The following CSMD1 variants were observed in gnomAD, a reference collection of about 807,000 sequenced individuals.
CSMD1 encodes the protein CUB and sushi domain-containing protein 1.
A neutral mutation model predicts 417.5 loss-of-function variants in CSMD1; 213 were observed. The observed-to-expected ratio is 0.51, with a 90% confidence interval of 0.46 to 0.57. The LOEUF (loss-of-function observed/expected upper bound fraction) is 0.57, where lower values mean the gene tolerates loss of function less well. CSMD1 is among the 20% of genes least tolerant of loss of function. The pLI, the probability that CSMD1 is intolerant of heterozygous loss-of-function variation, is 0.00. For synonymous variants in CSMD1, 2,862 were observed against 1,736.8 expected (o/e 1.65, Z -16.11); for missense variants, 6,923 against 4,529.7 (o/e 1.53, Z -15.17).
At chr8:4,876,649 G>T (rs1207990416) in intron 1 of CSMD1, among the ~76,000 whole-genome samples, 3 of 152,010 alleles carry the variant, frequency 2.0e-5, no homozygotes, top group African/African-American at 7.3e-5. Flanking sequence ...AAAGCACAAT[G>T]CAATGTGTTG....
At chr8:4,488,821 G>C (rs1335617806) in intron 2 of CSMD1, among the ~76,000 whole-genome samples, 4 of 152,168 alleles carry the variant, frequency 2.6e-5, no homozygotes, top group Non-Finnish European at 5.9e-5. Flanking sequence ...TCTCTGCAAA[G>C]AGATCGCCAG....
At chr8:3,578,019 C>G (rs998382076) in intron 9 of CSMD1, among the ~76,000 whole-genome samples, 1 of 152,098 alleles carries the variant, frequency 6.6e-6, no homozygotes, top group African/African-American at 2.4e-5. Flanking sequence ...CCCTAGCTGT[C>G]CTGCAGCTCA....
intron 12 of CSMD1, among the ~76,000 whole-genome samples, chr8:3,453,999 T>C (rs7010133): frequency 0.07 from 10,722 of 152,178 alleles, 906 homozygotes; most frequent in East Asian, 0.2. Flanking sequence ...GGTGCTCCTG[T>C]ATTGGGTGCA....
At chr8:4,559,203 C>G (rs888837004) in intron 2 of CSMD1, among the ~76,000 whole-genome samples, 3 of 152,058 alleles carry the variant, frequency 2.0e-5, no homozygotes, top group African/African-American at 7.2e-5. Context: ...GCTTTAGTCT[C>G]TTATGACTTT....
chr8:4,444,606 C>A (rs1177085201), intron 2 of CSMD1, among the ~76,000 whole-genome samples: 1 of 151,960 alleles, frequency 6.6e-6, no homozygotes, highest in African/African-American at 2.4e-5. Context: ...GCATTCTGCA[C>A]AAGGGATAGA....
At chr8:3,394,783 G>C (rs1353042570) in intron 17 of CSMD1, among the ~76,000 whole-genome samples, 1 of 152,004 alleles carries the variant, frequency 6.6e-6, no homozygotes, top group Non-Finnish European at 1.5e-5. Flanking sequence ...AAATTTCCTG[G>C]TTCTTAAATT....
intron 42 of CSMD1, among the ~76,000 whole-genome samples, chr8:3,112,700 A>G (rs1816592357): frequency 6.6e-6 from 1 of 152,220 alleles, no homozygotes; most frequent in Non-Finnish European, 1.5e-5. Flanking sequence ...TAAAAAGCTT[A>G]TTGAATAGTG....
intron 6 of CSMD1, among the ~76,000 whole-genome samples, chr8:3,742,284 C>G (rs537017479): frequency 6.6e-6 from 1 of 152,144 alleles, no homozygotes; most frequent in African/African-American, 2.4e-5. Context: ...GTAAACATAA[C>G]GTTCATACAA....
intron 11 of CSMD1, among the ~76,000 whole-genome samples, chr8:3,471,225 G>A (rs1470050337): frequency 6.6e-6 from 1 of 152,054 alleles, no homozygotes; most frequent in African/African-American, 2.4e-5. Context: ...TTAACTAATG[G>A]GTAATGATGT....
intron 3 of CSMD1, among the ~76,000 whole-genome samples, chr8:4,136,356 T>C (rs1803435493): frequency 1.3e-5 from 2 of 152,210 alleles, no homozygotes; most frequent in Non-Finnish European, 2.9e-5. Context: ...TATTCATCGC[T>C]GAGCACAAAT....
In CSMD1 at chr8:3,112,086, C is replaced by T. The variant is rs138419207; in HGVS notation, c.6431-1751G>A. 5.0e-3 allele frequency among the ~76,000 whole-genome samples: 757 copies of T among 152,110 alleles called. 6 individuals are homozygous for T. The highest frequency in any genetic ancestry group is 0.018 in the African/African-American group (741 of 41,514). On this transcript the variant is annotated intron_variant, in intron 42 of 69. Transcript: ENST00000635120. ...CTGCTCACAGAGCACACGGCTCCCA[C>T]GAGACTGTCAGCCTCTAGCAGACAG...
At chr8:3,445,705 G>C (rs942702176) in intron 12 of CSMD1, among the ~76,000 whole-genome samples, 1 of 152,152 alleles carries the variant, frequency 6.6e-6, no homozygotes, top group African/African-American at 2.4e-5. Context: ...AGGCCATGTA[G>C]CAAATGAGGA....
Position 3,892,040 on chromosome 8 carries a change from T to A in CSMD1, c.818+105863A>T, listed in dbSNP as rs924955471. Among the ~76,000 whole-genome samples the A allele has an allele frequency of 3.3e-5, 5 of 151,484 alleles. No homozygotes were observed. In the East Asian group the frequency reaches 9.7e-4, roughly 29 times the overall value. ...TAGTCGCAAACAAAAAAAAAAAAAA[T>A]TAAGGAAAGTCACATTTGGGTAAGG... On this transcript the variant is annotated intron_variant, in intron 5 of 69. Coordinates refer to ENST00000635120, the MANE Select transcript of CSMD1 (RefSeq NM_033225.6).
At chr8:3,767,036 C>T (rs1798311021) in intron 5 of CSMD1, among the ~76,000 whole-genome samples, 1 of 152,158 alleles carries the variant, frequency 6.6e-6, no homozygotes, top group South Asian at 2.1e-4. Flanking sequence ...CTCATAACTC[C>T]GGAGCTCTTC....
At chr8:4,523,719 C>A (rs747352462) in intron 2 of CSMD1, among the ~76,000 whole-genome samples, 8 of 152,152 alleles carry the variant, frequency 5.3e-5, no homozygotes, top group African/African-American at 1.2e-4. Flanking sequence ...CCTGTTCACA[C>A]CTCATGGAGT....
At chr8:4,833,243 C>T (rs1358256607) in intron 1 of CSMD1, among the ~76,000 whole-genome samples, 2 of 152,198 alleles carry the variant, frequency 1.3e-5, no homozygotes, top group Non-Finnish European at 2.9e-5. Context: ...ATTCCACAGG[C>T]TGTTCAGGAG....
At chr8:4,381,744 CTA>C (rs1427403743) in intron 3 of CSMD1, among the ~76,000 whole-genome samples, 4 of 152,090 alleles carry the variant, frequency 2.6e-5, no homozygotes, top group Admixed American at 2.0e-4. Flanking sequence ...GGCTTCGATG[CTA>C]TGTTTTTTTG....
At chr8:4,980,970 C>T (rs948615399) in intron 1 of CSMD1, among the ~76,000 whole-genome samples, 1 of 152,032 alleles carries the variant, frequency 6.6e-6, no homozygotes, top group South Asian at 2.1e-4. Context: ...AGCAACTTGT[C>T]CTTTTCTTCA....
chr8:3,561,597 A>G (rs1799468531), intron 10 of CSMD1, among the ~76,000 whole-genome samples: 1 of 152,164 alleles, frequency 6.6e-6, no homozygotes, highest in Non-Finnish European at 1.5e-5. Flanking sequence ...TAAGGATGGC[A>G]ACAACAGACA....
Sources: allele counts gnomAD v4.1 joint callset (sites outside exome capture counted in the v4.1 genomes callset), GRCh38; gene constraint gnomAD v4.1.1; transcripts MANE v1.5; gene names NCBI Gene and HGNC (gene_info 2026-07-23, HGNC 2026-07-21).